The following FAM118B variants were observed in gnomAD, a reference collection of about 807,000 sequenced individuals.
FAM118B encodes SIR2 antiphage like 1.
In FAM118B, 24 loss-of-function variants were observed where a neutral mutation model predicts 38.5. The ratio of observed to expected loss-of-function variants is 0.62; its 90% CI spans 0.45 to 0.88. The LOEUF (loss-of-function observed/expected upper bound fraction) is 0.88, where lower values mean the gene tolerates loss of function less well. Among genes scored for constraint, FAM118B ranks in the 40% least tolerant of loss-of-function variants. FAM118B has a pLI of 0.00. For missense variants in FAM118B, 334 were observed against 420.0 expected, an observed-to-expected ratio of 0.80 and a Z score of 1.79; for synonymous variants, 138 against 156.3, an observed-to-expected ratio of 0.88 and a Z score of 0.87.
At chr11:126,211,743 G>GCA, upstream of FAM118B, 1 of 1,337,892 alleles carries the variant, frequency 7.5e-7, no homozygotes, top group Non-Finnish European at 1.0e-6. Flanking sequence ...GGTGGGGCCT[G>GCA]GGCGAGTCAC....
chr11:126,255,140 A>G lies in FAM118B; in HGVS notation c.696+707A>G, dbSNP rs941011000. ...CTAAAGAGACTTTGTATAAATGGCA[A>G]TGGGCTTATATTGAATTAACCACAT... is the stretch of plus-strand genomic sequence containing the variant. On this transcript the variant is annotated intron_variant, in intron 6 of 8. Transcript: ENST00000533050. This position sits in a 1 kb window ranked among gnomAD's most constrained non-coding sequence, Gnocchi z 4.6. Among the ~76,000 whole-genome samples the G allele has an allele frequency of 6.6e-6, 1 of 152,250 alleles. No individual in the cohort carries two copies. The highest frequency in any genetic ancestry group is 6.5e-5 in the Admixed American group (1 of 15,268).
At chr11:126,215,652 G>A (rs1464278783) in intron 1 of FAM118B, among the ~76,000 whole-genome samples, 19 of 146,734 alleles carry the variant, frequency 1.3e-4, no homozygotes, top group African/African-American at 1.0e-4. Context: ...AGCCAAGATC[G>A]CGCCACTGCA....
At chr11:126,259,329 A>G (rs1591531398) in intron 7 of FAM118B, among the ~76,000 whole-genome samples, 1 of 152,132 alleles carries the variant, frequency 6.6e-6, no homozygotes, top group African/African-American at 2.4e-5. Flanking sequence ...AAAGGATTCT[A>G]TAGTATGTAG....
At chr11:126,233,673 T>A (rs1279436058) in intron 2 of FAM118B, 1 of 453,024 alleles carries the variant, frequency 2.2e-6, no homozygotes, top group Non-Finnish European at 4.4e-6. Context: ...CTATTTACCT[T>A]ATGATTATGA....
At chr11:126,241,301 C>T in intron 4 of FAM118B, 1 of 355,272 alleles carries the variant, frequency 2.8e-6, no homozygotes, top group Non-Finnish European at 5.0e-6. Context: ...TACAAATTAC[C>T]ACTGTGTTTT....
chr11:126,221,675 ATGGGG>A (rs1950064796), intron 1 of FAM118B, among the ~76,000 whole-genome samples: 1 of 151,550 alleles, frequency 6.6e-6, no homozygotes, highest in South Asian at 2.1e-4. Flanking sequence ...CTAGGGGTGA[ATGGGG>A]TGGGAAGGGA....
At position 126,262,381 on chromosome 11, in the gene FAM118B, C is replaced by T; in HGVS notation, c.*248C>T. 3.6e-6 allele frequency: 2 copies of T among 561,308 alleles called. No individual in the cohort carries two copies. The highest frequency in any genetic ancestry group is 6.3e-6 in the Non-Finnish European group (2 of 316,006). 34.8% of individuals were successfully genotyped at this position (561,308 alleles called of 1,614,324 possible). A position where few individuals can be genotyped will look rare whatever the true frequency, so the allele number is the denominator to read the frequency against. On this transcript the variant is annotated 3_prime_UTR_variant, in exon 9 of 9. Transcript: ENST00000533050. Reference sequence around the variant, plus strand: ...AGCAGGACCCAAATGCAGCTCCCAACCCACTCCCCAGGCTAGACATGCTTG... The same window carrying T: ...AGCAGGACCCAAATGCAGCTCCCAATCCACTCCCCAGGCTAGACATGCTTG...
chr11:126,211,865 A>G (rs922694261), intron 1 of FAM118B, 35 bp downstream of exon 1: 9 of 545,920 alleles, frequency 1.6e-5, no homozygotes, highest in Non-Finnish European at 2.6e-5. Context: ...GGGGCTGGGA[A>G]ATGCCGGTGC....
intron 5 of FAM118B, 39 bp from the exon 6 acceptor site, chr11:126,254,266 G>C (rs557908204): frequency 6.2e-7 from 1 of 1,603,406 alleles, no homozygotes; most frequent in African/African-American, 1.3e-5. Flanking sequence ...CAGGTGCTCA[G>C]CCCTGCCAAG....
chr11:126,249,008 AT>A (rs1299671306), intron 4 of FAM118B, among the ~76,000 whole-genome samples: 3 of 152,192 alleles, frequency 2.0e-5, no homozygotes, highest in Admixed American at 2.0e-4. Context: ...ATAGTTCCTC[AT>A]TAGTACTCAG....
intron 7 of FAM118B, among the ~76,000 whole-genome samples, chr11:126,260,156 C>G (rs975757044): frequency 3.3e-5 from 5 of 152,148 alleles, no homozygotes; most frequent in Non-Finnish European, 7.3e-5. Flanking sequence ...CCTCAGCCTC[C>G]CGAGTAGCTG....
chr11:126,236,328 T>C (rs547918384), intron 3 of FAM118B, among the ~76,000 whole-genome samples: 1 of 152,370 alleles, frequency 6.6e-6, no homozygotes, highest in South Asian at 2.1e-4. Flanking sequence ...TTACATTCAT[T>C]TGATGGTTTG....
chr11:126,214,677 G>A lies in FAM118B; in HGVS notation c.-77+2847G>A, dbSNP rs370635813. 2.6e-5 allele frequency among the ~76,000 whole-genome samples: 4 copies of A among 151,788 alleles called. No homozygotes were observed. In the East Asian group the frequency reaches 5.8e-4, roughly 22 times the overall value. ...TAGAACAAGGAAGGAAATTCTATTA[G>A]TGATTTCTTCATTCTTGCAGACTAC... On this transcript the variant is annotated intron_variant, in intron 1 of 8. Transcript: ENST00000533050.
chr11:126,227,489 C>T (rs182164933), intron 1 of FAM118B, among the ~76,000 whole-genome samples: 90 of 152,178 alleles, frequency 5.9e-4, no homozygotes, highest in African/African-American at 2.1e-3. Context: ...TGTTGTACAC[C>T]TGAATGTGAA....
At chr11:126,217,216 G>T (rs1949991285) in intron 1 of FAM118B, among the ~76,000 whole-genome samples, 1 of 152,170 alleles carries the variant, frequency 6.6e-6, no homozygotes, top group African/African-American at 2.4e-5. Flanking sequence ...GACTTTTTTT[G>T]AGAGTCTGCT....
At chr11:126,251,731 CTTT>C (rs1253065266) in intron 5 of FAM118B, among the ~76,000 whole-genome samples, 2 of 137,438 alleles carry the variant, frequency 1.5e-5, no homozygotes, top group African/African-American at 2.7e-5. Flanking sequence ...TAACTTGCAG[CTTT>C]TTTTTTTTTT....
chr11:126,225,432 A>G (rs1418466250), intron 1 of FAM118B, among the ~76,000 whole-genome samples: 2 of 152,164 alleles, frequency 1.3e-5, no homozygotes, highest in Admixed American at 6.5e-5. Context: ...GAGCATCAGC[A>G]TTGTCTTGGT....
rs115320358 is a variant in FAM118B, at chr11:126,229,706, G to A, written c.-8+413G>A. ...TCCACCCACCTCGGTCTCCCATAAT[G>A]CTGGGATTGCAGGCGTGAGCCACCG... is the stretch of plus-strand genomic sequence containing the variant. On this transcript the variant is annotated intron_variant, in intron 2 of 8. Coordinates refer to ENST00000533050, the MANE Select transcript of FAM118B (RefSeq NM_024556.4). Among the ~76,000 whole-genome samples the A allele has an allele frequency of 4.8e-3, 728 of 152,324 alleles. 4 individuals carry two copies. The highest frequency in any genetic ancestry group is 0.017 in the African/African-American group (692 of 41,568).
Position 126,252,759 on chromosome 11 carries a change from G to GAT in FAM118B, c.568-1546_568-1545insAT, listed in dbSNP as rs1950522241. Among the ~76,000 whole-genome samples, 1 of 152,146 alleles carries GAT rather than the reference G, an allele frequency of 6.6e-6. No individual in the cohort carries two copies. Among genetic ancestry groups the GAT allele is most frequent in the Non-Finnish European group, 1.5e-5 (1 of 68,016 alleles). The stretch of plus-strand genomic sequence containing the variant: ...TCATGTCTCTAAATAAATAGGCTGG[G>GAT]CACAGTGGTTCACGTCTGTAATCCC... On this transcript the variant is annotated intron_variant, in intron 5 of 8. Transcript: ENST00000533050. This position sits in a 1 kb window ranked among gnomAD's most constrained non-coding sequence, Gnocchi z 4.7.
Sources: allele counts gnomAD v4.1 joint callset (sites outside exome capture counted in the v4.1 genomes callset), GRCh38; gene constraint gnomAD v4.1.1; non-coding constraint Gnocchi (gnomAD v3.1); transcripts MANE v1.5; gene names NCBI Gene and HGNC (gene_info 2026-07-23, HGNC 2026-07-21).